DRC1: variants seen among roughly 807,000 people sequenced by gnomAD.
The protein encoded by DRC1 is dynein regulatory complex subunit 1, also known as dynein regulatory complex protein 1.
Under a neutral mutation model 98.7 loss-of-function variants are expected in DRC1, and 74 were observed. The observed-to-expected ratio is 0.75, with a 90% CI of 0.62 to 0.91. The LOEUF (loss-of-function observed/expected upper bound fraction) is 0.91, where lower values mean the gene tolerates loss of function less well. DRC1 is among the 40% of genes least tolerant of loss of function. DRC1 has a pLI of 0.00. For missense variants in DRC1, 875 were observed against 886.0 expected (o/e 0.99, Z 0.16); for synonymous variants, 336 against 334.1 (o/e 1.01, Z -0.06).
At chr2:26,417,610 T>C (rs1295432948) in intron 2 of DRC1, among the ~76,000 whole-genome samples, 2 of 152,246 alleles carry the variant, frequency 1.3e-5, no homozygotes, top group Non-Finnish European at 2.9e-5. Flanking sequence ...ATTACAGGCA[T>C]GAGCCACTGC....
At position 26,444,714 on chromosome 2, in the gene DRC1, A is replaced by G. The variant is rs1429358668; in HGVS notation, c.1164-2A>G. On this transcript the variant is annotated splice_acceptor_variant, in intron 9 of 16. Coordinates refer to ENST00000288710, the MANE Select transcript of DRC1 (RefSeq NM_145038.5). LOFTEE classifies it high-confidence loss of function. Reference sequence around the variant, plus strand: ...GCCATGCTCTGTGACTCTCCTTCACAGGCATTTTGCTCTTATTGATGATGA... The same window carrying G: ...GCCATGCTCTGTGACTCTCCTTCACGGGCATTTTGCTCTTATTGATGATGA... 1.2e-6 allele frequency: 2 copies of G among 1,613,738 alleles called. No homozygotes were observed. Among genetic ancestry groups the G allele is most frequent in the Non-Finnish European group, 1.7e-6 (2 of 1,179,878 alleles).
At chr2:26,438,087 CAAAAAAAAAAA>C (rs61571007) in intron 7 of DRC1, among the ~76,000 whole-genome samples, 20 of 50,112 alleles carry the variant, frequency 4.0e-4, no homozygotes, top group Non-Finnish European at 8.7e-4. Flanking sequence ...GACTCTATCT[CAAAAAAAAAAA>C]AAAAAAAAAA....
chr2:26,409,123 A>G (rs13028274), intron 1 of DRC1, among the ~76,000 whole-genome samples: 146,632 of 150,890 alleles, frequency 0.97, 71,334 homozygotes, highest in Non-Finnish European at 1. Context: ...TTAGAGATGG[A>G]GTCCTGCTAT....
intron 8 of DRC1, among the ~76,000 whole-genome samples, chr2:26,443,846 C>T (rs1663781925): frequency 6.6e-6 from 1 of 152,048 alleles, no homozygotes; most frequent in African/African-American, 2.4e-5. Context: ...ATTAAACATC[C>T]AAGTCATGAC....
chr2:26,445,894 G>A (rs1221272558), intron 10 of DRC1, among the ~76,000 whole-genome samples: 1 of 151,926 alleles, frequency 6.6e-6, no homozygotes, highest in Non-Finnish European at 1.5e-5. Context: ...TCCTGAGCCC[G>A]TGATCCCCCC....
intron 4 of DRC1, among the ~76,000 whole-genome samples, chr2:26,429,127 T>C (rs570288907): frequency 6.6e-6 from 1 of 152,206 alleles, no homozygotes; most frequent in East Asian, 1.9e-4. Flanking sequence ...CTCCATCTAC[T>C]ATGCTTTATC....
intron 10 of DRC1, among the ~76,000 whole-genome samples, chr2:26,447,982 T>C (rs1663901929): frequency 6.6e-6 from 1 of 150,960 alleles, no homozygotes; most frequent in African/African-American, 2.4e-5. Flanking sequence ...CTCAGCACTT[T>C]GGGAGGCCGA....
chr2:26,421,203 G>A (rs577266124), intron 2 of DRC1, 85 bp from the exon 3 acceptor site: 116 of 1,225,666 alleles, frequency 9.5e-5, no homozygotes, highest in Non-Finnish European at 1.2e-4. Flanking sequence ...TAGAAGCTGC[G>A]GACAGTTGTG....
chr2:26,410,422 C>A (rs553566278), intron 1 of DRC1, among the ~76,000 whole-genome samples: 83 of 151,796 alleles, frequency 5.5e-4, no homozygotes, highest in African/African-American at 1.9e-3. Context: ...CAGACACCTG[C>A]CACTATGCCC....
chr2:26,402,190 G>C, intron 1 of DRC1, 46 bp downstream of exon 1: 10 of 1,516,472 alleles, frequency 6.6e-6, no homozygotes, highest in Non-Finnish European at 8.8e-6. Context: ...GCAGGAGCCG[G>C]AGAAGGGCTG....
chr2:26,423,653 G>C (rs1311800228), intron 3 of DRC1, among the ~76,000 whole-genome samples: 1 of 152,148 alleles, frequency 6.6e-6, no homozygotes, highest in East Asian at 1.9e-4. Flanking sequence ...GGTAACTTGG[G>C]AGAGGAGTAG....
chr2:26,453,503 G>A lies in DRC1; in HGVS notation c.1873G>A (p.Val625Ile), dbSNP rs780099607. ...PSPWVIHPND[V>I]LKILEAFVMG... ...CCCCTGGGTCATCCACCCCAATGAT[G>A]TCCTCAAGATTCTGGAGGCCTTCGT... Residue 625 changes from valine to isoleucine, a missense_variant, in exon 14 of 17, where the codon GTC becomes ATC. Coordinates refer to ENST00000288710, the MANE Select transcript of DRC1 (RefSeq NM_145038.5). 34 of 1,614,102 alleles carry A rather than the reference G, an allele frequency of 2.1e-5. No individual in the cohort carries two copies. The highest frequency in any genetic ancestry group is 2.7e-5 in the African/African-American group (2 of 74,946).
chr2:26,448,312 T>G (rs751780732), intron 10 of DRC1: 22 of 482,066 alleles, frequency 4.6e-5, no homozygotes, highest in Non-Finnish European at 8.5e-6. Flanking sequence ...CTGTTGCAGG[T>G]TTAGAGACTA....
At chr2:26,429,850 G>A (rs1663388081) in intron 5 of DRC1, 85 bp downstream of exon 5, 2 of 1,432,378 alleles carry the variant, frequency 1.4e-6, no homozygotes, top group Non-Finnish European at 1.9e-6. Context: ...TCTAAGGAGG[G>A]CCCTACATGA....
rs1411562319 is a variant in DRC1 at position 26,424,462 on chromosome 2, G to T, written c.540+8G>T. 1 of 1,599,368 alleles carries T rather than the reference G, an allele frequency of 6.3e-7. No individual in the cohort carries two copies. Among genetic ancestry groups the T allele is most frequent in the Non-Finnish European group, 8.5e-7 (1 of 1,169,762 alleles). On this transcript the variant is annotated splice_region_variant and intron_variant, in intron 4 of 16. Coordinates refer to ENST00000288710, the MANE Select transcript of DRC1 (RefSeq NM_145038.5). Reference sequence around the variant, plus strand: ...ATCAGCGAGTTACAGCAGGCAAGAGGCCCGGGCCCTCCAGCCCAGCCACAG... The same window carrying T: ...ATCAGCGAGTTACAGCAGGCAAGAGTCCCGGGCCCTCCAGCCCAGCCACAG...
chr2:26,425,076 A>G (rs1401643207), intron 4 of DRC1, among the ~76,000 whole-genome samples: 1 of 152,138 alleles, frequency 6.6e-6, no homozygotes, highest in South Asian at 2.1e-4. Context: ...TTAGACACCA[A>G]TTCCCTCTTC....
chr2:26,435,539 C>T (rs896785679), intron 7 of DRC1, among the ~76,000 whole-genome samples: 2 of 152,048 alleles, frequency 1.3e-5, no homozygotes, highest in South Asian at 2.1e-4. Context: ...GCATAGTACT[C>T]GATAGGTAGT....
chr2:26,425,349 C>G (rs930565348), intron 4 of DRC1, among the ~76,000 whole-genome samples: 11 of 152,120 alleles, frequency 7.2e-5, no homozygotes, highest in African/African-American at 2.7e-4. Context: ...TTGGATTTCA[C>G]GTTTTGGCTT....
intron 8 of DRC1, among the ~76,000 whole-genome samples, chr2:26,441,184 C>T (rs751756388): frequency 2.9e-4 from 44 of 152,256 alleles, no homozygotes; most frequent in Non-Finnish European, 5.3e-4. Context: ...AGTTTCAGAC[C>T]ATTGTGCTAG....
Sources: gnomAD v4.1 joint callset for allele counts (sites outside exome capture counted in the v4.1 genomes callset) on GRCh38, gnomAD v4.1.1 for gene constraint, MANE v1.5 for transcripts, NCBI Gene and HGNC (gene_info 2026-07-23, HGNC 2026-07-21) for gene names.